Variants in RYR3 observed in about 807,000 individuals in gnomAD.
RYR3 encodes the protein ryanodine receptor 3.
In RYR3, 207 loss-of-function variants were observed where a neutral mutation model predicts 584.3. The observed-to-expected ratio is 0.35, with a 90% confidence interval of 0.32 to 0.40. The LOEUF (loss-of-function observed/expected upper bound fraction) is 0.40, where lower values mean the gene tolerates loss of function less well. RYR3 is among the 10% of genes least tolerant of loss of function. The pLI, the probability that RYR3 is intolerant of heterozygous loss-of-function variation, is 1.00. For synonymous variants in RYR3, 2,416 were observed against 2,248.5 expected, an observed-to-expected ratio of 1.07 and a Z score of -2.11; for missense variants, 5,616 against 6,089.2, an observed-to-expected ratio of 0.92 and a Z score of 2.59.
intron 88 of RYR3, among the ~76,000 whole-genome samples, chr15:33,837,367 A>G (rs1323731176): frequency 6.6e-6 from 1 of 152,108 alleles, no homozygotes; most frequent in Non-Finnish European, 1.5e-5. Flanking sequence ...TGTGTCCCTG[A>G]TAATCTAATA....
chr15:33,661,436 T>C, intron 34 of RYR3, among the ~76,000 whole-genome samples: 1 of 152,144 alleles, frequency 6.6e-6, no homozygotes, highest in East Asian at 1.9e-4. Context: ...GAACACCCCA[T>C]GGATAGTGGT....
At position 33,838,359 on chromosome 15, in the gene RYR3, GCGGGTGAAGAGGAAGAAGA is replaced by G; in HGVS notation, c.12385_12403del (p.Glu4129LeufsTer15). ...AGATTCTTCTTACGTGTTAGAAATT[GCGGGTGAAGAGGAAGAAGA>G]CGGGTCTCTTGAGCCGGCCTCTGCA... On this transcript the variant is annotated frameshift_variant, in exon 89 of 104. Transcript: ENST00000634891. LOFTEE classifies it high-confidence loss of function. 6.2e-7 allele frequency: 1 copy of G among 1,614,002 alleles called. No individual in the cohort carries two copies. The highest frequency in any genetic ancestry group is 1.1e-5 in the South Asian group (1 of 91,076).
Position 33,827,299 on chromosome 15 carries a change from G to A in RYR3, c.11334+12G>A. On this transcript the variant is annotated intron_variant, in intron 85 of 103. Transcript: ENST00000634891. The stretch of plus-strand genomic sequence containing the variant: ...TTCTGCGTCTGCAGGTGAGTGGGAG[G>A]GCCTTGGACAATGGGACCTCTCACC... The A allele has an allele frequency of 1.9e-6, 3 of 1,551,278 alleles. No homozygotes were observed. The highest frequency in any genetic ancestry group is 1.4e-5 in the African/African-American group (1 of 73,134).
chr15:33,471,511 GA>G (rs2048927414), intron 1 of RYR3, among the ~76,000 whole-genome samples: 1 of 150,084 alleles, frequency 6.7e-6, no homozygotes, highest in Admixed American at 6.6e-5. Flanking sequence ...CTGGGGGATA[GA>G]AAGGGAAAGA....
chr15:33,673,403 A>C (rs571515126), intron 38 of RYR3, among the ~76,000 whole-genome samples: 37 of 152,332 alleles, frequency 2.4e-4, no homozygotes, highest in Admixed American at 4.6e-4. Context: ...CTCAATGTTG[A>C]AGGGATTTGC....
chr15:33,551,275 C>T (rs1053186754), intron 10 of RYR3, among the ~76,000 whole-genome samples: 12 of 152,192 alleles, frequency 7.9e-5, no homozygotes, highest in African/African-American at 2.2e-4. Flanking sequence ...CCTTTGGGAG[C>T]GTCACCTTTA....
chr15:33,770,878 A>G (rs2073512524), intron 62 of RYR3, among the ~76,000 whole-genome samples: 1 of 152,250 alleles, frequency 6.6e-6, no homozygotes, highest in South Asian at 2.1e-4. Flanking sequence ...CTGTCCTTGA[A>G]CCAAGTCTTT....
In RYR3 at chr15:33,571,236, T is replaced by G. The variant is rs557756107; in HGVS notation, c.1268+4437T>G. ...ACTGTAGGGTTTTTGTAGATACCCT[T>G]TATCAGGTCGAGGAAGTTCCCTTCT... On this transcript the variant is annotated intron_variant, in intron 12 of 103. Transcript: ENST00000634891. 5.3e-5 allele frequency among the ~76,000 whole-genome samples: 8 copies of G among 152,352 alleles called. No individual in the cohort carries two copies. In the South Asian group the frequency reaches 1.7e-3, roughly 32 times the overall value.
At chr15:33,856,021 C>G (rs1463423324) in intron 98 of RYR3, 2 of 152,082 alleles carry the variant, frequency 1.3e-5, no homozygotes, top group Non-Finnish European at 2.9e-5. Flanking sequence ...ATGCCGTGTC[C>G]CAGTTACTGT....
intron 1 of RYR3, among the ~76,000 whole-genome samples, chr15:33,467,707 G>A (rs898107279): frequency 1.3e-5 from 2 of 152,178 alleles, no homozygotes; most frequent in African/African-American, 2.4e-5. Flanking sequence ...AATAGCTGGC[G>A]TGTGTGAACC....
At chr15:33,388,115 G>C (rs2041751625) in intron 1 of RYR3, among the ~76,000 whole-genome samples, 1 of 152,088 alleles carries the variant, frequency 6.6e-6, no homozygotes, top group African/African-American at 2.4e-5. Flanking sequence ...TTTTGAGGAA[G>C]AAAACAACAA....
Position 33,816,847 on chromosome 15 carries a change from A to ACT in RYR3, c.10503-14_10503-13insTC. ...ATGGATCCCTCTTGACCTCCCTCTC[A>ACT]CCCCTTCCGCTCAGGCACCGCTCTA... On this transcript the variant is annotated splice_polypyrimidine_tract_variant and intron_variant, in intron 74 of 103. Coordinates refer to ENST00000634891, the MANE Select transcript of RYR3 (RefSeq NM_001036.6). 6.3e-7 allele frequency: 1 copy of ACT among 1,585,924 alleles called. No homozygotes were observed. The highest frequency in any genetic ancestry group is 8.6e-7 in the Non-Finnish European group (1 of 1,157,086).
intron 1 of RYR3, among the ~76,000 whole-genome samples, chr15:33,332,428 C>A (rs528973128): frequency 6.6e-6 from 1 of 151,936 alleles, no homozygotes; most frequent in Non-Finnish European, 1.5e-5. Flanking sequence ...AAGCAATCAA[C>A]AAGGATATAA....
chr15:33,694,244 G>A (rs2065660216), intron 38 of RYR3, among the ~76,000 whole-genome samples: 1 of 150,570 alleles, frequency 6.6e-6, no homozygotes, highest in South Asian at 2.1e-4. Flanking sequence ...ATTATTACTA[G>A]TTTTTGTTTT....
intron 60 of RYR3, 89 bp from the exon 61 acceptor site, chr15:33,768,569 C>G (rs1596502353): frequency 8.9e-7 from 1 of 1,126,478 alleles, no homozygotes; most frequent in East Asian, 2.4e-5. Context: ...CTCTCTGTTT[C>G]ACAGTGTAAG....
intron 94 of RYR3, chr15:33,852,018 A>C (rs1466317673): frequency 6.6e-6 from 1 of 150,952 alleles, no homozygotes; most frequent in African/African-American, 2.4e-5. Context: ...AAAAAAAAAA[A>C]ACATTTTTTT....
At chr15:33,833,002 CAAAAAAA>C (rs66477732) in intron 86 of RYR3, among the ~76,000 whole-genome samples, 4 of 112,636 alleles carry the variant, frequency 3.6e-5, no homozygotes, top group African/African-American at 1.0e-4. Context: ...AACTCTGTCT[CAAAAAAA>C]AAAAAAAAAA....
At position 33,660,429 on chromosome 15, in the gene RYR3, A is replaced by G; in HGVS notation, c.4622+6A>G. The G allele has an allele frequency of 6.5e-7, 1 of 1,541,652 alleles. No individual in the cohort carries two copies. Among genetic ancestry groups the G allele is most frequent in the East Asian group, 2.4e-5 (1 of 41,298 alleles). On this transcript the variant is annotated splice_donor_region_variant and intron_variant, in intron 34 of 103. Transcript: ENST00000634891. ...CACATCCCCGAGGAGAACAGGTACC[A>G]GAGGGGCCCGCGAAGGAAGGGGCAG...
At chr15:33,857,325 G>A (rs576047939) in intron 98 of RYR3, among the ~76,000 whole-genome samples, 10 of 152,084 alleles carry the variant, frequency 6.6e-5, no homozygotes, top group South Asian at 6.3e-4. Flanking sequence ...TCCCCTGACC[G>A]TCCCTTCACG....
Sources: gnomAD v4.1 joint callset for allele counts (sites outside exome capture counted in the v4.1 genomes callset) on GRCh38, gnomAD v4.1.1 for gene constraint, MANE v1.5 for transcripts, NCBI Gene and HGNC (gene_info 2026-07-23, HGNC 2026-07-21) for gene names.